CUL4B: variants seen among roughly 807,000 people sequenced by gnomAD.
CUL4B encodes cullin-4B.
CUL4B carries 1 observed loss-of-function variant against 69.2 expected under a neutral mutation model. The ratio of observed to expected loss-of-function variants is 0.01; its 90% confidence interval spans 0.01 to 0.07. CUL4B has a LOEUF of 0.07. CUL4B is among the 10% of genes least tolerant of loss of function. CUL4B has a pLI of 1.00. For missense variants in CUL4B, 328 were observed against 638.8 expected (o/e 0.51, Z 5.24); for synonymous variants, 237 against 223.2 (o/e 1.06, Z -0.55).
Position 120,544,465 on chromosome X carries a change from G to A in CUL4B, c.1083+16C>T, listed in dbSNP as rs1924200415. On this transcript the variant is annotated intron_variant, in intron 6 of 19. Transcript: ENST00000371322. ...TAGCAATCAGCTCTGTATAGTAGGT[G>A]TAGTAGTTAACTTACTTGCAAATCA... The A allele has an allele frequency of 2.5e-6, 3 of 1,207,284 alleles. No homozygotes were observed. Among genetic ancestry groups the A allele is most frequent in the Non-Finnish European group, 3.4e-6 (3 of 891,479 alleles).
chrX:120,551,542 T>C (rs1299636273), intron 2 of CUL4B, among the ~76,000 whole-genome samples: 1 of 111,432 alleles, frequency 9.0e-6, no homozygotes, highest in Non-Finnish European at 1.9e-5. Flanking sequence ...GTACTCTACT[T>C]TTCTCACCTT....
rs1011062956 is a variant in CUL4B at position 120,544,190 on chromosome X, G to C, written c.1097C>G (p.Ser366Cys). ...MLSDLQIYQD[S>C]FEQRFLEETN... Reference sequence around the variant, plus strand: ...TTCTTCCAAAAATCGTTGTTCAAAAGAATCTTGATAAATCTGGAGGGGGAA... The same window carrying C: ...TTCTTCCAAAAATCGTTGTTCAAAACAATCTTGATAAATCTGGAGGGGGAA... The change falls in exon 7 of 20, where the codon TCT (serine) becomes TGT (cysteine). Residue 366 changes from serine to cysteine, a missense_variant. Transcript: ENST00000371322. 1 of 1,195,221 alleles carries C rather than the reference G, an allele frequency of 8.4e-7. No homozygotes were observed. The highest frequency in any genetic ancestry group is 1.1e-6 in the Non-Finnish European group (1 of 880,994).
chrX:120,560,865 G>A lies in CUL4B; in HGVS notation c.-227C>T, dbSNP rs1015869926. On this transcript the variant is annotated 5_prime_UTR_variant, in exon 1 of 20. Transcript: ENST00000371322. ...GGAGTGAGCAGAACGAGGGGGGAGA[G>A]CGAATGAGGAGGCAGACAGGTAAAC... The A allele has an allele frequency of 4.0e-6, 3 of 750,619 alleles. No homozygotes were observed. The highest frequency in any genetic ancestry group is 4.7e-6 in the Non-Finnish European group (3 of 638,405). The allele number at this position is 750,619 out of a possible 1,213,427, so 61.9% of individuals were successfully genotyped here.
In CUL4B at chrX:120,560,469, T is replaced by C. The variant is rs760207253; in HGVS notation, c.170A>G (p.Asp57Gly). The C allele has an allele frequency of 8.3e-7, 1 of 1,209,929 alleles. No individual in the cohort carries two copies. The highest frequency in any genetic ancestry group is 2.2e-5 in the Admixed American group (1 of 45,979). The stretch of plus-strand genomic sequence containing the variant: ...AGAGGAGGAAGAGGTGGAATCAAAG[T>C]CTTCTCTCTCGTTACTACTGTTACT... Reference protein sequence around the residue: ...SSSNSSNEREDFDSTSSSSST... With the variant: ...SSSNSSNEREGFDSTSSSSST... The change falls in exon 1 of 20, where the codon GAC (aspartate) becomes GGC (glycine). Residue 57 changes from aspartate to glycine, a missense_variant. Transcript: ENST00000371322.
chrX:120,528,573 T>C (rs1384821210), intron 19 of CUL4B, among the ~76,000 whole-genome samples: 1 of 108,944 alleles, frequency 9.2e-6, no homozygotes, highest in Non-Finnish European at 1.9e-5. Flanking sequence ...ACACAAAAAT[T>C]AGCCAGGCGT....
chrX:120,564,615 C>A (rs1342656483), upstream of CUL4B, among the ~76,000 whole-genome samples: 2 of 111,903 alleles, frequency 1.8e-5, no homozygotes, highest in African/African-American at 6.5e-5. Flanking sequence ...CAAAAAAAAA[C>A]AAAAACCTTC....
At chrX:120,551,955 A>G (rs1263202552) in intron 2 of CUL4B, among the ~76,000 whole-genome samples, 1 of 111,823 alleles carries the variant, frequency 8.9e-6, no homozygotes, top group Non-Finnish European at 1.9e-5. Flanking sequence ...GGAAACAGGA[A>G]TAAGAAGGTG....
rs755306871 is a variant in CUL4B, at chrX:120,560,345, C to A, written c.294G>T (p.Gln98His). Reference protein sequence around the residue: ...SVAASSHVPIQKKLRFEDTLE... With the variant: ...SVAASSHVPIHKKLRFEDTLE... ...GGGTGTCTTCAAAACGCAGCTTCTT[C>A]TGTATCGGTACGTGGCTGGAAGCAG... The change falls in exon 1 of 20, where the codon CAG becomes CAT. Residue 98 changes from glutamine (Q) to histidine (H), a missense_variant. This residue lies in a region of CUL4B where 102 missense variants were observed against 122.1 expected (regional missense o/e 0.84). Coordinates refer to ENST00000371322, the MANE Select transcript of CUL4B (RefSeq NM_001079872.2). The A allele has an allele frequency of 1.3e-5, 16 of 1,207,901 alleles. No homozygotes were observed. Among genetic ancestry groups the A allele is most frequent in the Admixed American group, 1.1e-4 (5 of 45,643 alleles).
intron 2 of CUL4B, among the ~76,000 whole-genome samples, chrX:120,574,034 C>A (rs1181025904): frequency 2.7e-5 from 3 of 109,411 alleles, no homozygotes; most frequent in African/African-American, 1.0e-4. Context: ...ACAATGTTGG[C>A]CAGGCTGCTC....
intron 19 of CUL4B, 91 bp from the exon 20 acceptor site, chrX:120,526,947 G>A (rs1007016141): frequency 6.5e-6 from 3 of 458,809 alleles, no homozygotes; most frequent in East Asian, 8.2e-5. Flanking sequence ...CAACAGTTTC[G>A]GCTCATGAAT....
chrX:120,555,712 C>T (rs891941581), intron 2 of CUL4B, among the ~76,000 whole-genome samples: 5 of 109,484 alleles, frequency 4.6e-5, no homozygotes, highest in Non-Finnish European at 7.6e-5. Context: ...GAGGTGGAGG[C>T]GGGTGGATCA....
At chrX:120,530,343 T>C (rs1923235112) in intron 18 of CUL4B, 89 bp from the exon 19 acceptor site, 1 of 880,523 alleles carries the variant, frequency 1.1e-6, no homozygotes, top group African/African-American at 2.0e-5. Context: ...CATGACATTG[T>C]TATTGCTTTA....
exon 3 of CUL4B, chrX:120,571,531 C>T (rs927029893): frequency 1.8e-5 from 2 of 111,262 alleles, no homozygotes; most frequent in African/African-American, 6.6e-5. Context: ...GGGGGCTTAA[C>T]GTTGTAACCT....
Position 120,544,097 on chromosome X carries a change from T to A in CUL4B, c.1173+17A>T. On this transcript the variant is annotated intron_variant, in intron 7 of 19. Transcript: ENST00000371322. ...GTGAGAGACAGTGAGAATTTATTAG[T>A]CATGATTTTTAAATACCTCTCTTTC... 9.5e-7 allele frequency: 1 copy of A among 1,050,175 alleles called. No homozygotes were observed. Among genetic ancestry groups the A allele is most frequent in the South Asian group, 1.9e-5 (1 of 53,269 alleles). The allele number at this position is 1,050,175 out of a possible 1,213,427, so 86.5% of individuals were successfully genotyped here. A position where few individuals can be genotyped will look rare whatever the true frequency, so the allele number is the denominator to read the frequency against.
At chrX:120,538,832 TA>T in intron 12 of CUL4B, 62 bp from the exon 13 acceptor site, 1 of 706,694 alleles carries the variant, frequency 1.4e-6, no homozygotes, top group South Asian at 2.3e-5. Flanking sequence ...AAAACTGCTT[TA>T]AAGTGCTTTA....
chrX:120,560,576 T>A lies in CUL4B; in HGVS notation c.63A>T (p.Arg21Ser), dbSNP rs757541076. The A allele has an allele frequency of 3.3e-6, 4 of 1,208,586 alleles. No individual in the cohort carries two copies. The Admixed American group carries it at 8.7e-5, about 26-fold the overall frequency. The change falls in exon 1 of 20, where the codon AGA becomes AGT. Residue 21 changes from arginine (R) to serine (S), a missense_variant. Arg to Ser is a moderately radical substitution (Grantham distance 110, BLOSUM62 -1). Transcript: ENST00000371322. ...PSAAAAAQEV[R>S]SATDGNTSTT... ...TGCTGGTATTACCATCAGTGGCAGA[T>A]CTGACCTCCTGAGCAGCAGCAGCAG...
chrX:120,560,616 G>T lies in CUL4B; in HGVS notation c.23C>A (p.Ser8Tyr), dbSNP rs1569396609. 8.3e-7 allele frequency: 1 copy of T among 1,205,255 alleles called. No individual in the cohort carries two copies. Among genetic ancestry groups the T allele is most frequent in the Non-Finnish European group, 1.1e-6 (1 of 894,927 alleles). The change falls in exon 1 of 20, where the codon TCC becomes TAC. Residue 8 changes from serine (S) to tyrosine (Y), a missense_variant. Transcript: ENST00000371322. MFPTGFSSPSPSAAAAAQ... is the reference protein window; with the variant it reads MFPTGFSYPSPSAAAAAQ... ...AGCAGCAGCAGCTGAGGGACTGGGG[G>T]AAGAAAAACCTGTTGGAAACATGAA...
intron 19 of CUL4B, among the ~76,000 whole-genome samples, chrX:120,527,400 AT>A (rs1175983570): frequency 1.8e-5 from 2 of 108,515 alleles, no homozygotes; most frequent in African/African-American, 3.4e-5. Flanking sequence ...TTGATTTTTG[AT>A]TTTTTTTTGG....
At chrX:120,550,675 A>G (rs1228803366) in intron 2 of CUL4B, among the ~76,000 whole-genome samples, 1 of 111,884 alleles carries the variant, frequency 8.9e-6, no homozygotes, top group African/African-American at 3.2e-5. Context: ...AGGCAGGAGC[A>G]TCTAAGGTGA....
Sources: allele counts gnomAD v4.1 joint callset (sites outside exome capture counted in the v4.1 genomes callset), GRCh38; gene constraint gnomAD v4.1.1; regional missense constraint gnomAD v4.1.1; transcripts MANE v1.5; gene names NCBI Gene and HGNC (gene_info 2026-07-23, HGNC 2026-07-21).